The following HYDIN variants were observed in gnomAD, a reference collection of about 807,000 sequenced individuals.
HYDIN encodes the protein HYDIN axonemal central pair apparatus protein, also known as axonemal central pair apparatus protein HYDIN.
HYDIN carries 132 observed loss-of-function variants against 403.9 expected under a neutral mutation model. The ratio of observed to expected loss-of-function variants is 0.33; its 90% CI spans 0.28 to 0.38. The LOEUF is 0.38. Ranked by LOEUF, HYDIN falls within the 10% of genes least tolerant of loss-of-function variation. The probability of loss-of-function intolerance (pLI) is 1.00; values close to 1 mark genes in which losing one functional copy is unlikely to be tolerated. For synonymous variants in HYDIN, 1,202 were observed against 1,891.7 expected (o/e 0.64, Z 9.46); for missense variants, 2,827 against 5,009.5 (o/e 0.56, Z 13.15).
chr16:71,208,858 C>T (rs992522030), intron 1 of HYDIN, among the ~76,000 whole-genome samples: 1 of 152,094 alleles, frequency 6.6e-6, no homozygotes, highest in Non-Finnish European at 1.5e-5. Flanking sequence ...GAAATTGAAT[C>T]CCTAAACAGA....
At chr16:70,819,898 C>G (rs1263988780) in intron 83 of HYDIN, among the ~76,000 whole-genome samples, 3 of 151,626 alleles carry the variant, frequency 2.0e-5, no homozygotes, top group Non-Finnish European at 4.4e-5. Flanking sequence ...AGCTCTGCCT[C>G]CCGGGTTCAC....
intron 39 of HYDIN, among the ~76,000 whole-genome samples, chr16:70,956,569 C>A (rs1029203583): frequency 6.6e-6 from 1 of 151,942 alleles, no homozygotes; most frequent in African/African-American, 2.4e-5. Context: ...GAGAGGAGAG[C>A]AGGAGGGTTG....
chr16:71,010,182 T>C (rs1191346404), intron 23 of HYDIN, among the ~76,000 whole-genome samples: 3 of 149,878 alleles, frequency 2.0e-5, no homozygotes, highest in Non-Finnish European at 3.0e-5. Context: ...CATGACCTTT[T>C]TGCCCCCTCC....
intron 1 of HYDIN, among the ~76,000 whole-genome samples, chr16:71,193,364 A>AAGAGTTCAGTATGTGTGATGTAAT (rs2087531901): frequency 1.3e-5 from 2 of 152,222 alleles, no homozygotes; most frequent in South Asian, 4.1e-4. Flanking sequence ...CAGGTTAAGT[A>AAGAGTTCAGTATGTGTGATGTAAT]AGAGTTCAGT....
At chr16:71,060,372 A>C in intron 18 of HYDIN, 132 bp downstream of exon 18, 1 of 670,088 alleles carries the variant, frequency 1.5e-6, no homozygotes, top group Non-Finnish European at 2.7e-6. Flanking sequence ...TGGGGATGGG[A>C]ATGACGTGGT....
Position 71,230,694 on chromosome 16 carries a change from C to T in HYDIN, c.-156G>A. The T allele has an allele frequency of 1.3e-6, 2 of 1,536,080 alleles. No individual in the cohort carries two copies. Among genetic ancestry groups the T allele is most frequent in the Non-Finnish European group, 1.7e-6 (2 of 1,146,880 alleles). ...AGCCGCCCGCACTCTCCATGCGCCGCCCGAGCTGTTGCCGTCCGTTGCCAC... is the reference window on the plus strand; with the variant it reads ...AGCCGCCCGCACTCTCCATGCGCCGTCCGAGCTGTTGCCGTCCGTTGCCAC... On this transcript the variant is annotated 5_prime_UTR_variant, in exon 1 of 86. Coordinates refer to ENST00000393567, the MANE Select transcript of HYDIN (RefSeq NM_001270974.2).
intron 23 of HYDIN, among the ~76,000 whole-genome samples, chr16:70,994,963 GT>G (rs1401172957): frequency 1.3e-5 from 2 of 150,676 alleles, no homozygotes; most frequent in Non-Finnish European, 2.9e-5. Context: ...GGGAATTTCT[GT>G]AATGGAAAAA....
intron 1 of HYDIN, among the ~76,000 whole-genome samples, chr16:71,198,093 C>G (rs7190352): frequency 0.36 from 54,307 of 152,210 alleles, 10,147 homozygotes; most frequent in East Asian, 0.58. Flanking sequence ...TAACATTATA[C>G]TTTTGCCTGG....
intron 37 of HYDIN, among the ~76,000 whole-genome samples, chr16:70,962,504 G>A (rs1477539783): frequency 6.6e-6 from 1 of 152,226 alleles, no homozygotes; most frequent in African/African-American, 2.4e-5. Context: ...CAGGAGAGCT[G>A]CAACCTCTCA....
intron 6 of HYDIN, among the ~76,000 whole-genome samples, chr16:71,159,478 T>C (rs1217699018): frequency 1.0e-3 from 29 of 28,372 alleles, no homozygotes; most frequent in African/African-American, 4.0e-3. Flanking sequence ...GGAGAGATAA[T>C]AGCTGAGATT....
intron 47 of HYDIN, among the ~76,000 whole-genome samples, chr16:70,915,355 C>G (rs1043063134): frequency 1.1e-4 from 17 of 152,138 alleles, no homozygotes; most frequent in African/African-American, 3.9e-4. Context: ...TATGCTCCCC[C>G]TTTTTCTATG....
chr16:70,818,982 C>T (rs1033878905), intron 83 of HYDIN, among the ~76,000 whole-genome samples: 3 of 152,026 alleles, frequency 2.0e-5, no homozygotes, highest in East Asian at 1.9e-4. Flanking sequence ...TGGCATGACT[C>T]GGCTCACTGC....
chr16:71,031,344 A>G (rs2080902752), intron 19 of HYDIN: 2 of 615,350 alleles, frequency 3.3e-6, no homozygotes, highest in East Asian at 1.4e-4. Flanking sequence ...GTGGAGAGGG[A>G]TTAACAGTGT....
intron 1 of HYDIN, among the ~76,000 whole-genome samples, chr16:71,225,075 C>T (rs78181423): frequency 2.6e-5 from 4 of 152,074 alleles, no homozygotes; most frequent in Admixed American, 1.3e-4. Context: ...TCTGGCAAGA[C>T]GAACAGGAAC....
In HYDIN at chr16:71,069,382, A is replaced by C. The variant is rs1456030649; in HGVS notation, c.1859T>G (p.Val620Gly). The change falls in exon 14 of 86, where the codon GTG becomes GGG. Residue 620 changes from valine (V) to glycine (G), a missense_variant. Physicochemically the swap from Val to Gly is moderately radical, Grantham distance 109. Transcript: ENST00000393567. ...GGTCCAAGATGGTCTTTTGTAGTCC[A>C]CATGCTGCTCACAATATGAAATGCT... ...HKSISYCEQH[V>G]DYKRPSWTKE... The C allele has an allele frequency of 6.2e-7, 1 of 1,614,204 alleles. No homozygotes were observed. Among genetic ancestry groups the C allele is most frequent in the Non-Finnish European group, 8.5e-7 (1 of 1,180,022 alleles).
Position 70,803,250 on chromosome 16 carries a change from C to A in HYDIN, c.*4330G>T, listed in dbSNP as rs1280167830. Among the ~76,000 whole-genome samples, 2 of 152,140 alleles carry A rather than the reference C, an allele frequency of 1.3e-5. No individual in the cohort carries two copies. Among genetic ancestry groups the A allele is most frequent in the Non-Finnish European group, 2.9e-5 (2 of 68,014 alleles). ...CCAGTTTTTTATTCAAGGCCCAGACCAATGCCTACCTTTAGGTCAGAAGTT... is the reference window on the plus strand; with the variant it reads ...CCAGTTTTTTATTCAAGGCCCAGACAAATGCCTACCTTTAGGTCAGAAGTT... On this transcript the variant is annotated 3_prime_UTR_variant, in exon 86 of 86. Transcript: ENST00000393567.
At position 70,935,941 on chromosome 16, in the gene HYDIN, G is replaced by T; in HGVS notation, c.7158+11C>A. ...TTCTGTCTCCTGGCAAGGAGTAAGTGAGGCTGTTACCTGCTTGTTTGCTGC... is the reference window on the plus strand; with the variant it reads ...TTCTGTCTCCTGGCAAGGAGTAAGTTAGGCTGTTACCTGCTTGTTTGCTGC... On this transcript the variant is annotated intron_variant, in intron 45 of 85. Coordinates refer to ENST00000393567, the MANE Select transcript of HYDIN (RefSeq NM_001270974.2). The T allele has an allele frequency of 2.0e-6, 1 of 488,076 alleles. No individual in the cohort carries two copies. Among genetic ancestry groups the T allele is most frequent in the Non-Finnish European group, 3.5e-6 (1 of 287,432 alleles). 30.2% of individuals were successfully genotyped at this position (488,076 alleles called of 1,614,324 possible). A position where few individuals can be genotyped will look rare whatever the true frequency, so the allele number is the denominator to read the frequency against.
At chr16:70,830,421 G>A (rs1166415976) in intron 80 of HYDIN, among the ~76,000 whole-genome samples, 2 of 143,688 alleles carry the variant, frequency 1.4e-5, no homozygotes, top group Admixed American at 6.8e-5. Flanking sequence ...GGGACAGCAC[G>A]CAGGGTCTTG....
intron 53 of HYDIN, among the ~76,000 whole-genome samples, chr16:70,897,585 A>T (rs973588306): frequency 2.1e-5 from 3 of 144,174 alleles, no homozygotes; most frequent in African/African-American, 8.7e-5. Flanking sequence ...AAGTGCCTGG[A>T]GCCTTCTATT....
Sources: allele counts gnomAD v4.1 joint callset (sites outside exome capture counted in the v4.1 genomes callset), GRCh38; gene constraint gnomAD v4.1.1; transcripts MANE v1.5; gene names NCBI Gene and HGNC (gene_info 2026-07-23, HGNC 2026-07-21).